KCNB2: variants seen among roughly 807,000 people sequenced by gnomAD.
KCNB2 encodes delayed rectifier potassium channel protein.
In KCNB2, 15 loss-of-function variants were observed where a neutral mutation model predicts 61.5. That is an observed-to-expected ratio of 0.24 (90% CI 0.16 to 0.38). The LOEUF is 0.38. Ranked by LOEUF, KCNB2 falls within the 10% of genes least tolerant of loss-of-function variation. The pLI is 1.00. For synonymous variants in KCNB2, 457 were observed against 446.0 expected, an observed-to-expected ratio of 1.02 and a Z score of -0.31; for missense variants, 828 against 1,125.2, an observed-to-expected ratio of 0.74 and a Z score of 3.78.
intron 2 of KCNB2, among the ~76,000 whole-genome samples, chr8:72,642,053 A>G (rs1442889432): frequency 6.6e-6 from 1 of 152,076 alleles, no homozygotes. Context: ...AGTTTCATTA[A>G]GTAGGATTTA....
At chr8:72,908,538 A>C (rs1189992101) in intron 2 of KCNB2, among the ~76,000 whole-genome samples, 1 of 152,216 alleles carries the variant, frequency 6.6e-6, no homozygotes, top group Non-Finnish European at 1.5e-5. Context: ...TCTTCCTTCC[A>C]ACAGCTCATA....
intron 2 of KCNB2, among the ~76,000 whole-genome samples, chr8:72,855,670 C>G (rs1316123524): frequency 2.0e-5 from 3 of 152,104 alleles, no homozygotes; most frequent in Non-Finnish European, 4.4e-5. Flanking sequence ...ACTAGTATAG[C>G]TTCTGGTAAA....
chr8:72,561,772 T>TAC (rs1806534961), intron 1 of KCNB2, among the ~76,000 whole-genome samples: 11 of 24,710 alleles, frequency 4.5e-4, no homozygotes, highest in Admixed American at 2.6e-3. Flanking sequence ...GATATATATA[T>TAC]ATATGGATAT....
chr8:72,678,104 C>G (rs1806691628), intron 2 of KCNB2, among the ~76,000 whole-genome samples: 1 of 152,174 alleles, frequency 6.6e-6, no homozygotes, highest in Non-Finnish European at 1.5e-5. Context: ...TTTTTGGACA[C>G]ATCCTTAGCC....
chr8:72,636,325 T>C (rs1439764678), intron 2 of KCNB2, among the ~76,000 whole-genome samples: 7 of 152,170 alleles, frequency 4.6e-5, no homozygotes, highest in Non-Finnish European at 8.8e-5. Context: ...AGCAAATATG[T>C]TATCCTAAAA....
chr8:72,664,708 C>A (rs1291793237), intron 2 of KCNB2, among the ~76,000 whole-genome samples: 1 of 152,058 alleles, frequency 6.6e-6, no homozygotes, highest in Non-Finnish European at 1.5e-5. Flanking sequence ...TAGCAGTAAG[C>A]AAAACAAAAA....
chr8:72,678,650 T>G (rs966538853), intron 2 of KCNB2, among the ~76,000 whole-genome samples: 1 of 152,256 alleles, frequency 6.6e-6, no homozygotes, highest in Non-Finnish European at 1.5e-5. Flanking sequence ...TTCTCTATCC[T>G]TCTTGCCTTA....
At chr8:72,575,334 A>G (rs934412508) in intron 2 of KCNB2, among the ~76,000 whole-genome samples, 2 of 147,920 alleles carry the variant, frequency 1.4e-5, no homozygotes, top group Admixed American at 7.1e-5. Context: ...TACTCATACT[A>G]TTGATTAGCA....
At chr8:72,560,450 C>G (rs1355812833) in intron 1 of KCNB2, among the ~76,000 whole-genome samples, 1 of 152,174 alleles carries the variant, frequency 6.6e-6, no homozygotes, top group Admixed American at 6.5e-5. Context: ...CAGGGTATTA[C>G]TGGGTGGCCT....
intron 2 of KCNB2, among the ~76,000 whole-genome samples, chr8:72,813,730 G>A (rs1261580633): frequency 6.6e-6 from 1 of 152,142 alleles, no homozygotes; most frequent in Non-Finnish European, 1.5e-5. Flanking sequence ...CACAAATTAA[G>A]CATTCCCATA....
chr8:72,887,026 A>G (rs1043453358), intron 2 of KCNB2, among the ~76,000 whole-genome samples: 6 of 152,162 alleles, frequency 3.9e-5, no homozygotes, highest in South Asian at 4.1e-4. Flanking sequence ...AGGACAAAGG[A>G]TATATTCTGT....
chr8:72,602,722 G>A (rs550468214), intron 2 of KCNB2, among the ~76,000 whole-genome samples: 13 of 152,238 alleles, frequency 8.5e-5, no homozygotes, highest in Admixed American at 4.6e-4. Context: ...GAAGTCGGCT[G>A]GTTGAATTCA....
chr8:72,582,554 C>T (rs1466022051), intron 2 of KCNB2, among the ~76,000 whole-genome samples: 1 of 152,138 alleles, frequency 6.6e-6, no homozygotes, highest in Non-Finnish European at 1.5e-5. Flanking sequence ...AGATAGACCT[C>T]CAAGATAATG....
intron 1 of KCNB2, among the ~76,000 whole-genome samples, chr8:72,539,072 CAT>C (rs1491256265): frequency 6.1e-5 from 7 of 115,250 alleles, no homozygotes; most frequent in East Asian, 2.1e-4. Context: ...TCTTTAGGGG[CAT>C]GTGTGTGTGT....
intron 2 of KCNB2, among the ~76,000 whole-genome samples, chr8:72,915,250 G>A (rs1208302441): frequency 6.6e-6 from 1 of 152,074 alleles, no homozygotes; most frequent in Non-Finnish European, 1.5e-5. Context: ...ATAGGAAGAA[G>A]CTGCAGGGAG....
chr8:72,931,789 A>G (rs1488696445), intron 2 of KCNB2, among the ~76,000 whole-genome samples: 2 of 152,158 alleles, frequency 1.3e-5, no homozygotes, highest in South Asian at 4.1e-4. Flanking sequence ...AGGTGGGTGA[A>G]TCAACTTGAG....
intron 2 of KCNB2, among the ~76,000 whole-genome samples, chr8:72,706,286 C>G (rs1188414453): frequency 1.3e-5 from 2 of 152,150 alleles, no homozygotes; most frequent in African/African-American, 4.8e-5. Context: ...AATTGTAGCA[C>G]TGTTCTAATA....
At chr8:72,605,986 A>C (rs1016068290) in intron 2 of KCNB2, among the ~76,000 whole-genome samples, 3 of 152,208 alleles carry the variant, frequency 2.0e-5, no homozygotes, top group African/African-American at 7.2e-5. Flanking sequence ...GAAGAAAAGT[A>C]AATTGAAACA....
chr8:72,852,804 G>A (rs188402951), intron 2 of KCNB2, among the ~76,000 whole-genome samples: 73 of 152,254 alleles, frequency 4.8e-4, no homozygotes, highest in African/African-American at 1.2e-3. Flanking sequence ...TAACTTTTTC[G>A]TAATGTGGAT....
Sources: gnomAD v4.1 joint callset for allele counts (sites outside exome capture counted in the v4.1 genomes callset) on GRCh38, gnomAD v4.1.1 for gene constraint, MANE v1.5 for transcripts, NCBI Gene and HGNC (gene_info 2026-07-23, HGNC 2026-07-21) for gene names.